NPSR1: variants seen among roughly 807,000 people sequenced by gnomAD.
NPSR1 encodes neuropeptide S receptor.
In NPSR1, 48 loss-of-function variants were observed where a neutral mutation model predicts 46.9. The ratio of observed to expected loss-of-function variants is 1.02; its 90% CI spans 0.81 to 1.30. The LOEUF is 1.30. Ranked by LOEUF, NPSR1 falls within the 50% of genes most tolerant of loss-of-function variation. NPSR1 has a pLI of 0.00. For missense variants in NPSR1, 450 were observed against 449.5 expected (o/e 1.00, Z -0.01); for synonymous variants, 176 against 168.1 (o/e 1.05, Z -0.36).
At chr7:34,854,008 C>T (rs1381126176), downstream of NPSR1, among the ~76,000 whole-genome samples, 3 of 151,422 alleles carry the variant, frequency 2.0e-5, no homozygotes, top group East Asian at 3.9e-4. Context: ...TTATTACGCA[C>T]AACAATAGCA....
At chr7:34,726,988 G>C (rs1443379242) in intron 2 of NPSR1, among the ~76,000 whole-genome samples, 2 of 152,122 alleles carry the variant, frequency 1.3e-5, no homozygotes, top group Admixed American at 6.5e-5. Flanking sequence ...AACACCAAGA[G>C]TGAACCCTAA....
At chr7:34,754,266 C>A (rs1034515566) in intron 2 of NPSR1, among the ~76,000 whole-genome samples, 1 of 152,108 alleles carries the variant, frequency 6.6e-6, no homozygotes, top group Admixed American at 6.6e-5. Flanking sequence ...AACACATGTT[C>A]TTGTACCTCA....
At chr7:34,874,458 A>T (rs1791531338) in intron 8 of NPSR1, among the ~76,000 whole-genome samples, 5 of 152,184 alleles carry the variant, frequency 3.3e-5, no homozygotes, top group African/African-American at 9.6e-5. Context: ...AAAATAAAAA[A>T]AGGAGGGATA....
chr7:34,859,846 T>C (rs1367978753), intron 8 of NPSR1, among the ~76,000 whole-genome samples: 2 of 151,764 alleles, frequency 1.3e-5, no homozygotes, highest in Non-Finnish European at 1.5e-5. Flanking sequence ...CTGGTGCAAC[T>C]CTTCAATGGG....
At chr7:34,721,757 T>G (rs1333300782) in intron 2 of NPSR1, among the ~76,000 whole-genome samples, 2 of 152,228 alleles carry the variant, frequency 1.3e-5, no homozygotes, top group Non-Finnish European at 2.9e-5. Flanking sequence ...CGAATTTATG[T>G]ATGAAAGCAA....
At chr7:34,715,067 G>C (rs778353728) in intron 2 of NPSR1, among the ~76,000 whole-genome samples, 7 of 152,248 alleles carry the variant, frequency 4.6e-5, no homozygotes, top group Non-Finnish European at 7.3e-5. Flanking sequence ...ATGTGAGAAA[G>C]AGCATGAGAG....
intron 4 of NPSR1, among the ~76,000 whole-genome samples, chr7:34,819,470 A>G (rs1789437189): frequency 6.6e-6 from 1 of 152,230 alleles, no homozygotes; most frequent in Non-Finnish European, 1.5e-5. Flanking sequence ...TGTTGGTGGG[A>G]GTGTACATTA....
chr7:34,834,412 A>G lies in NPSR1; in HGVS notation c.709A>G (p.Ile237Val). The G allele has an allele frequency of 5.0e-6, 8 of 1,613,726 alleles. No homozygotes were observed. Among genetic ancestry groups the G allele is most frequent in the Non-Finnish European group, 5.9e-6 (7 of 1,179,624 alleles). The part of the protein sequence containing the change: ...SIMYGIVIRT[I>V]WIKSKTYETV... ...CATGTATGGCATTGTGATCCGAACT[A>G]TTTGGATTAAAAGCAAAACCTACGA... The change falls in exon 6 of 9, where the codon ATT (isoleucine) becomes GTT (valine). Residue 237 changes from isoleucine (I) to valine (V), a missense_variant. Transcript: ENST00000360581.
intron 2 of NPSR1, among the ~76,000 whole-genome samples, chr7:34,767,895 A>G (rs538475045): frequency 2.6e-5 from 4 of 152,270 alleles, no homozygotes; most frequent in African/African-American, 9.6e-5. Flanking sequence ...AGAAATTCTT[A>G]AAGAATACAA....
At chr7:34,762,930 A>T (rs1385535795) in intron 2 of NPSR1, among the ~76,000 whole-genome samples, 1 of 152,236 alleles carries the variant, frequency 6.6e-6, no homozygotes, top group Non-Finnish European at 1.5e-5. Flanking sequence ...TGGCTCTGCT[A>T]TGCAGGGGAA....
downstream of NPSR1, among the ~76,000 whole-genome samples, chr7:34,850,699 C>G (rs373165394): frequency 3.9e-5 from 6 of 152,252 alleles, no homozygotes; most frequent in South Asian, 1.2e-3. Context: ...CGCGCCCGGC[C>G]TGTCCTTGAG....
At chr7:34,752,000 G>T in intron 2 of NPSR1, 1 of 828,096 alleles carries the variant, frequency 1.2e-6, no homozygotes, top group Non-Finnish European at 2.1e-6. Flanking sequence ...TGTTGGCGAT[G>T]GCATGGCACA....
At chr7:34,661,673 G>C (rs537651485) in intron 1 of NPSR1, among the ~76,000 whole-genome samples, 48 of 152,222 alleles carry the variant, frequency 3.2e-4, no homozygotes, top group Admixed American at 9.2e-4. Context: ...GAGCAGGGAG[G>C]TCTAGGGTGG....
chr7:34,720,220 C>T (rs962904057), intron 2 of NPSR1, among the ~76,000 whole-genome samples: 4 of 149,884 alleles, frequency 2.7e-5, no homozygotes, highest in Non-Finnish European at 4.4e-5. Context: ...GTGGATGTTG[C>T]AGTGAGCCAA....
At chr7:34,747,124 A>C (rs1053457748) in intron 2 of NPSR1, among the ~76,000 whole-genome samples, 1 of 135,302 alleles carries the variant, frequency 7.4e-6, no homozygotes, top group Non-Finnish European at 1.6e-5. Context: ...ACTCCACCAA[A>C]AAAACAAAAA....
chr7:34,690,180 C>T (rs1250657816), intron 2 of NPSR1, among the ~76,000 whole-genome samples: 1 of 151,896 alleles, frequency 6.6e-6, no homozygotes, highest in Non-Finnish European at 1.5e-5. Flanking sequence ...CTGAAAGCAC[C>T]CAGAACCAAA....
At chr7:34,863,690 C>T (rs1367723969) in intron 8 of NPSR1, among the ~76,000 whole-genome samples, 1 of 151,758 alleles carries the variant, frequency 6.6e-6, no homozygotes, top group Non-Finnish European at 1.5e-5. Context: ...CATCTCATGC[C>T]AGTTAGAGTG....
intron 3 of NPSR1, among the ~76,000 whole-genome samples, chr7:34,809,315 T>A (rs58904916): frequency 0.15 from 22,889 of 151,994 alleles, 2,056 homozygotes; most frequent in African/African-American, 0.25. Flanking sequence ...ATTTTTTCTT[T>A]TAGTTTTCAG....
Position 34,778,487 on chromosome 7 carries a change from C to G in NPSR1, c.306C>G (p.Ile102Met), listed in dbSNP as rs933869553. Residue 102 changes from isoleucine (I) to methionine (M), a missense_variant, in exon 3 of 9, where the codon ATC (isoleucine) becomes ATG (methionine). Ile to Met is a conservative substitution (Grantham distance 10). Coordinates refer to ENST00000360581, the MANE Select transcript of NPSR1 (RefSeq NM_207172.2). ...ATTCTTTCACAGGACTGGTCAACAT[C>G]TTGACAGATATTAATTGGCGATTCA... ...ITDSFTGLVN[I>M]LTDINWRFTG... 1.2e-6 allele frequency: 2 copies of G among 1,610,440 alleles called. No individual in the cohort carries two copies. Among genetic ancestry groups the G allele is most frequent in the Non-Finnish European group, 1.7e-6 (2 of 1,177,174 alleles).
Sources: allele counts gnomAD v4.1 joint callset (sites outside exome capture counted in the v4.1 genomes callset), GRCh38; gene constraint gnomAD v4.1.1; transcripts MANE v1.5; gene names NCBI Gene and HGNC (gene_info 2026-07-23, HGNC 2026-07-21).